CD38: variants seen among roughly 807,000 people sequenced by gnomAD.
The protein encoded by CD38 is CD38 molecule.
CD38 carries 31 observed loss-of-function variants against 36.3 expected under a neutral mutation model. The observed-to-expected ratio is 0.85, with a 90% confidence interval of 0.64 to 1.15. CD38 has a LOEUF of 1.15. Ranked by LOEUF, CD38 falls within the 50% of genes most tolerant of loss-of-function variation. The pLI is 0.00. For missense variants in CD38, 380 were observed against 371.9 expected (o/e 1.02, Z -0.18); for synonymous variants, 131 against 135.2 (o/e 0.97, Z 0.22).
chr4:15,807,160 C>T (rs1226498880), intron 1 of CD38, among the ~76,000 whole-genome samples: 1 of 152,136 alleles, frequency 6.6e-6, no homozygotes, highest in East Asian at 1.9e-4. Flanking sequence ...AAAGGACTTA[C>T]TGAGGATTTG....
chr4:15,800,190 C>T (rs1723189433), intron 1 of CD38, among the ~76,000 whole-genome samples: 1 of 152,156 alleles, frequency 6.6e-6, no homozygotes, highest in Non-Finnish European at 1.5e-5. Context: ...CCTAGCTCAG[C>T]CAAAAGCTCC....
chr4:15,811,717 C>T (rs2148921047), intron 1 of CD38, among the ~76,000 whole-genome samples: 1 of 152,282 alleles, frequency 6.6e-6, no homozygotes, highest in Admixed American at 6.5e-5. Flanking sequence ...AAAGCAAAAG[C>T]TTTATCGTGA....
intron 7 of CD38, among the ~76,000 whole-genome samples, chr4:15,840,880 G>A (rs900329422): frequency 6.6e-6 from 1 of 152,166 alleles, no homozygotes; most frequent in African/African-American, 2.4e-5. Flanking sequence ...TTTCAGGGGA[G>A]CAAGGGAATG....
chr4:15,786,675 G>C (rs569875799), intron 1 of CD38, among the ~76,000 whole-genome samples: 6 of 152,354 alleles, frequency 3.9e-5, no homozygotes, highest in Admixed American at 6.5e-5. Flanking sequence ...GCTTCACCTA[G>C]CCGATTGTGC....
At chr4:15,779,174 C>T (rs1722632070) in intron 1 of CD38, among the ~76,000 whole-genome samples, 1 of 152,160 alleles carries the variant, frequency 6.6e-6, no homozygotes. Flanking sequence ...AGGGCCAAAC[C>T]ACGGAACTTA....
At chr4:15,806,671 G>A (rs1281803020) in intron 1 of CD38, among the ~76,000 whole-genome samples, 6 of 152,174 alleles carry the variant, frequency 3.9e-5, no homozygotes, top group Non-Finnish European at 8.8e-5. Flanking sequence ...AGGTGAACTC[G>A]ACGGAATGAT....
At chr4:15,780,715 A>G (rs1393404988) in intron 1 of CD38, among the ~76,000 whole-genome samples, 3 of 152,198 alleles carry the variant, frequency 2.0e-5, no homozygotes, top group African/African-American at 7.2e-5. Flanking sequence ...TTCAAACCCA[A>G]CAAATCCTGG....
At chr4:15,784,566 T>C (rs1722770042) in intron 1 of CD38, among the ~76,000 whole-genome samples, 1 of 152,072 alleles carries the variant, frequency 6.6e-6, no homozygotes, top group Admixed American at 6.5e-5. Context: ...AGGGTGACCA[T>C]TTTGCACAGG....
chr4:15,782,919 A>G (rs939946426), intron 1 of CD38, among the ~76,000 whole-genome samples: 1 of 152,190 alleles, frequency 6.6e-6, no homozygotes, highest in Non-Finnish European at 1.5e-5. Flanking sequence ...GTATAGTAGT[A>G]AGGGTCTCCA....
chr4:15,787,001 G>A (rs1296709379), intron 1 of CD38, among the ~76,000 whole-genome samples: 1 of 152,134 alleles, frequency 6.6e-6, no homozygotes, highest in Non-Finnish European at 1.5e-5. Flanking sequence ...CACTGTCCGG[G>A]GCCTGCTGCG....
chr4:15,787,612 A>T (rs1009124634), intron 1 of CD38, among the ~76,000 whole-genome samples: 1 of 152,138 alleles, frequency 6.6e-6, no homozygotes, highest in Non-Finnish European at 1.5e-5. Flanking sequence ...ATGATTACGA[A>T]TCTTTGTAGG....
chr4:15,820,920 A>G (rs1463544742), intron 2 of CD38, among the ~76,000 whole-genome samples: 1 of 152,234 alleles, frequency 6.6e-6, no homozygotes, highest in Admixed American at 6.5e-5. Context: ...CTACTCTAAA[A>G]TTGATCACAC....
chr4:15,803,789 C>G (rs1315618778), intron 1 of CD38, among the ~76,000 whole-genome samples: 2 of 152,032 alleles, frequency 1.3e-5, no homozygotes, highest in African/African-American at 4.8e-5. Flanking sequence ...GGTTTTGCAA[C>G]CCTTCCTTCC....
chr4:15,799,458 A>G (rs1723170534), intron 1 of CD38, among the ~76,000 whole-genome samples: 1 of 152,190 alleles, frequency 6.6e-6, no homozygotes, highest in Admixed American at 6.6e-5. Flanking sequence ...AGATAAATTT[A>G]CATTTTTAAG....
intron 1 of CD38, among the ~76,000 whole-genome samples, chr4:15,801,482 A>G (rs1294283388): frequency 6.6e-6 from 1 of 152,020 alleles, no homozygotes; most frequent in Non-Finnish European, 1.5e-5. Flanking sequence ...ACAAGGATAC[A>G]ACAACAAAAA....
chr4:15,825,290 T>C (rs959795008), intron 3 of CD38: 6 of 367,500 alleles, frequency 1.6e-5, no homozygotes, highest in Non-Finnish European at 3.0e-5. Flanking sequence ...TGAGGCTGTT[T>C]CCACTCATGG....
At chr4:15,837,813 GGACTTCT>G (rs1724101701) in intron 4 of CD38, among the ~76,000 whole-genome samples, 1 of 152,074 alleles carries the variant, frequency 6.6e-6, no homozygotes, top group South Asian at 2.1e-4. Context: ...TTACTCCTCT[GGACTTCT>G]GACTTCTGAA....
At chr4:15,813,738 G>A (rs971978677) in intron 1 of CD38, among the ~76,000 whole-genome samples, 1 of 152,110 alleles carries the variant, frequency 6.6e-6, no homozygotes, top group Non-Finnish European at 1.5e-5. Flanking sequence ...TGAGAATGAT[G>A]GCTTCCAGCT....
Position 15,849,754 on chromosome 4 carries a change from A to C in CD38, c.*1152A>C, listed in dbSNP as rs1330747659. 1.3e-5 allele frequency: 2 copies of C among 152,160 alleles called. No homozygotes were observed. Among genetic ancestry groups the C allele is most frequent in the Non-Finnish European group, 2.9e-5 (2 of 68,030 alleles). 9.4% of individuals were successfully genotyped at this position (152,160 alleles called of 1,614,324 possible). A position where few individuals can be genotyped will look rare whatever the true frequency, so the allele number is the denominator to read the frequency against. Reference sequence around the variant, plus strand: ...TCTCTTTAGCATTGGAAACATAGAAATGCTTTCTGATTTCTTTGGGTAGAT... The same window carrying C: ...TCTCTTTAGCATTGGAAACATAGAACTGCTTTCTGATTTCTTTGGGTAGAT... On this transcript the variant is annotated 3_prime_UTR_variant, in exon 8 of 8. Coordinates refer to ENST00000226279, the MANE Select transcript of CD38 (RefSeq NM_001775.4).
Sources: allele counts gnomAD v4.1 joint callset (sites outside exome capture counted in the v4.1 genomes callset), GRCh38; gene constraint gnomAD v4.1.1; transcripts MANE v1.5; gene names NCBI Gene and HGNC (gene_info 2026-07-23, HGNC 2026-07-21).